CLCF1: variants seen among roughly 807,000 people sequenced by gnomAD.
CLCF1 encodes cardiotrophin-like cytokine factor 1.
Under a neutral mutation model 21.2 loss-of-function variants are expected in CLCF1, and 10 were observed. That is an observed-to-expected ratio of 0.47 (90% CI 0.29 to 0.80). The LOEUF (loss-of-function observed/expected upper bound fraction) is 0.80. CLCF1 is among the 30% of genes least tolerant of loss of function. The probability of loss-of-function intolerance (pLI) is 0.09; values close to 1 mark genes in which losing one functional copy is unlikely to be tolerated. For missense variants in CLCF1, 240 were observed against 293.4 expected (o/e 0.82, Z 1.33); for synonymous variants, 115 against 120.5 (o/e 0.95, Z 0.30).
At position 67,367,501 on chromosome 11, in the gene CLCF1, G is replaced by A. The variant is rs372255151; in HGVS notation, c.142C>T (p.Arg48Cys). The A allele has an allele frequency of 8.1e-6, 13 of 1,614,108 alleles. No individual in the cohort carries two copies. Among genetic ancestry groups the A allele is most frequent in the South Asian group, 2.2e-5 (2 of 91,094 alleles). ...CTGCGGAGTTGGTGCTCCAGGTAGCGGGTGAGGTCATAGGTTTTCTGGATG... is the reference window on the plus strand; with the variant it reads ...CTGCGGAGTTGGTGCTCCAGGTAGCAGGTGAGGTCATAGGTTTTCTGGATG... ...PSIQKTYDLT[R>C]YLEHQLRSLA... The change falls in exon 2 of 3, where the codon CGC becomes TGC. Residue 48 changes from arginine to cysteine, a missense_variant. Physicochemically the swap from Arg to Cys is radical, Grantham distance 180. Transcript: ENST00000312438.
upstream of CLCF1, chr11:67,373,910 G>A: frequency 1.1e-6 from 1 of 946,934 alleles, no homozygotes; most frequent in Non-Finnish European, 1.3e-6. Context: ...GGGCGGGGAG[G>A]CCATCAGTCC....
At chr11:67,367,155 CGGTGTA>C (rs1862127013) in intron 2 of CLCF1, among the ~76,000 whole-genome samples, 1 of 150,230 alleles carries the variant, frequency 6.7e-6, no homozygotes, top group Non-Finnish European at 1.5e-5. Context: ...CACCACAACA[CGGTGTA>C]AACAGAGGAG....
At position 67,372,748 on chromosome 11, in the gene CLCF1, C is replaced by T. The variant is rs1295799774; in HGVS notation, c.16+776G>A. Among the ~76,000 whole-genome samples, 4 of 150,250 alleles carry T rather than the reference C, an allele frequency of 2.7e-5. No individual in the cohort carries two copies. The South Asian group carries it at 6.2e-4, about 23-fold the overall frequency. ...GCGGCTGCTCCCGCCGCTCCCTGGC[C>T]AGTGACAGACTTTTTCCTGCCGGGT... is the stretch of plus-strand genomic sequence containing the variant. On this transcript the variant is annotated intron_variant, in intron 1 of 2. Coordinates refer to ENST00000312438, the MANE Select transcript of CLCF1 (RefSeq NM_013246.3). This position sits in a 1 kb window ranked among gnomAD's most constrained non-coding sequence, Gnocchi z 5.9.
At chr11:67,368,203 G>GATA (rs1443539954) in intron 1 of CLCF1, 2 of 985,274 alleles carry the variant, frequency 2.0e-6, no homozygotes, top group African/African-American at 1.7e-5. Context: ...GCTGCCTTAT[G>GATA]GGGCTTAGTT....
At chr11:67,367,933 T>C in intron 1 of CLCF1, 1 of 985,390 alleles carries the variant, frequency 1.0e-6, no homozygotes, top group Non-Finnish European at 1.2e-6. Flanking sequence ...TGTGCCAACA[T>C]GTATATGTGT....
At chr11:67,367,916 C>CTG (rs1391995551) in intron 1 of CLCF1, 1 of 985,134 alleles carries the variant, frequency 1.0e-6, no homozygotes, top group Admixed American at 6.2e-5. Flanking sequence ...ATGTGTGCCA[C>CTG]TGTGTGTGTG....
chr11:67,370,611 AACACACAC>A, intron 1 of CLCF1: 1 of 952,052 alleles, frequency 1.1e-6, no homozygotes, highest in Non-Finnish European at 1.2e-6. Flanking sequence ...TCTCCTCATG[AACACACAC>A]ACACACACAC....
chr11:67,367,578 A>G lies in CLCF1; in HGVS notation c.65T>C (p.Leu22Pro). 6.2e-7 allele frequency: 1 copy of G among 1,613,840 alleles called. No individual in the cohort carries two copies. Among genetic ancestry groups the G allele is most frequent in the Non-Finnish European group, 8.5e-7 (1 of 1,179,926 alleles). Residue 22 changes from leucine (L) to proline (P), a missense_variant, in exon 2 of 3, where the codon CTC becomes CCC. Leu to Pro is a moderately conservative substitution (Grantham distance 98, BLOSUM62 -3). Coordinates refer to ENST00000312438, the MANE Select transcript of CLCF1 (RefSeq NM_013246.3). ...GCGATTGAGAGCTGGCACTGCAGGG[A>G]GGTGCCAGAGCACCGTGCACAGGCA... ...LACLCTVLWH[L>P]PAVPALNRTG...
chr11:67,366,721 A>T (rs1231811230), intron 2 of CLCF1, among the ~76,000 whole-genome samples: 1 of 151,934 alleles, frequency 6.6e-6, no homozygotes, highest in African/African-American at 2.4e-5. Flanking sequence ...TCCTCGGTGT[A>T]TCCTGGGGCT....
intron 1 of CLCF1, among the ~76,000 whole-genome samples, chr11:67,373,047 C>T (rs1862273549): frequency 6.6e-6 from 1 of 151,138 alleles, no homozygotes; most frequent in Admixed American, 6.6e-5. Context: ...CCTACCCCTC[C>T]CGGCGGGCCG....
intron 1 of CLCF1, chr11:67,368,873 G>A (rs1049222626): frequency 1.0e-6 from 1 of 981,018 alleles, no homozygotes; most frequent in African/African-American, 1.8e-5. Context: ...ATAGGTGTGA[G>A]GTCATGAGTG....
rs202044905 is a variant in CLCF1, at chr11:67,369,355, CAG to C, written c.17-1731_17-1730del. The stretch of plus-strand genomic sequence containing the variant: ...GTGTGTACACGCGTGTGTTTTAGGA[CAG>C]AGAGTAGGGTCAGGCACTCAACTGC... On this transcript the variant is annotated intron_variant, in intron 1 of 2. Transcript: ENST00000312438. 29,023 of 985,168 alleles carry C rather than the reference CAG, an allele frequency of 0.029. 4,368 individuals are homozygous for C. In the African/African-American group the frequency reaches 0.36, roughly 12 times the overall value. The allele number at this position is 985,168 out of a possible 1,614,324, so 61.0% of individuals were successfully genotyped here.
At chr11:67,369,401 C>A in intron 1 of CLCF1, 5 of 985,398 alleles carry the variant, frequency 5.1e-6, no homozygotes, top group Non-Finnish European at 6.0e-6. Flanking sequence ...GAGACCAGCT[C>A]ACCCTTTCCT....
intron 1 of CLCF1, chr11:67,368,294 T>G (rs1862159175): frequency 1.0e-6 from 1 of 985,276 alleles, no homozygotes; most frequent in South Asian, 4.7e-5. Flanking sequence ...GTGCTCACTC[T>G]CAGGGAACGG....
rs1862063132 is a variant in CLCF1, at chr11:67,364,823, G to A, written c.*313C>T. ...CACCTGAGGGGCTGGGTGGGCACTG[G>A]CCAAGTGGTAGGCAAGAAGCAGGAG... On this transcript the variant is annotated 3_prime_UTR_variant, in exon 3 of 3. Transcript: ENST00000312438. The A allele has an allele frequency of 8.5e-6, 3 of 351,294 alleles. No homozygotes were observed. The highest frequency in any genetic ancestry group is 4.4e-5 in the Admixed American group (1 of 22,940). 21.8% of individuals were successfully genotyped at this position (351,294 alleles called of 1,614,324 possible). A position where few individuals can be genotyped will look rare whatever the true frequency, so the allele number is the denominator to read the frequency against.
Position 67,372,797 on chromosome 11 carries a change from CG to C in CLCF1, c.16+726del, listed in dbSNP as rs1368821863. On this transcript the variant is annotated intron_variant, in intron 1 of 2. Coordinates refer to ENST00000312438, the MANE Select transcript of CLCF1 (RefSeq NM_013246.3). This position sits in a 1 kb window ranked among gnomAD's most constrained non-coding sequence, Gnocchi z 5.9. ...GTCCGGCCCGGCTGCGCCAGCCCCC[CG>C]CCAAACAATAATCACTCCCAGGCCA... Among the ~76,000 whole-genome samples, 1 of 150,172 alleles carries C rather than the reference CG, an allele frequency of 6.7e-6. No individual in the cohort carries two copies. Among genetic ancestry groups the C allele is most frequent in the Non-Finnish European group, 1.5e-5 (1 of 67,152 alleles).
At chr11:67,370,553 G>C (rs968733561) in intron 1 of CLCF1, 7 of 919,870 alleles carry the variant, frequency 7.6e-6, no homozygotes, top group South Asian at 4.9e-5. Context: ...CCCCACCCCC[G>C]GCCAGCCCCT....
At chr11:67,373,083 G>A (rs1369736800) in intron 1 of CLCF1, among the ~76,000 whole-genome samples, 1 of 150,650 alleles carries the variant, frequency 6.6e-6, no homozygotes, top group Non-Finnish European at 1.5e-5. Context: ...GCGGCCCGAG[G>A]TGTCGGCCTC....
At chr11:67,368,398 G>A in intron 1 of CLCF1, 2 of 985,400 alleles carry the variant, frequency 2.0e-6, no homozygotes, top group Non-Finnish European at 2.4e-6. Flanking sequence ...GGTGGGGACA[G>A]GAAGGGAGAG....
Sources: allele counts gnomAD v4.1 joint callset (sites outside exome capture counted in the v4.1 genomes callset), GRCh38; gene constraint gnomAD v4.1.1; non-coding constraint Gnocchi (gnomAD v3.1); transcripts MANE v1.5; gene names NCBI Gene and HGNC (gene_info 2026-07-23, HGNC 2026-07-21).